ADD2: variants seen among roughly 807,000 people sequenced by gnomAD.
ADD2 encodes adducin 2.
Under a neutral mutation model 83.0 loss-of-function variants are expected in ADD2, and 23 were observed. The ratio of observed to expected loss-of-function variants is 0.28; its 90% CI spans 0.20 to 0.39. ADD2 has a LOEUF of 0.39. Ranked by LOEUF, ADD2 falls within the 10% of genes least tolerant of loss-of-function variation. The pLI is 1.00. For synonymous variants in ADD2, 375 were observed against 375.4 expected (o/e 1.00, Z 0.01); for missense variants, 758 against 944.9 (o/e 0.80, Z 2.59).
intron 9 of ADD2, among the ~76,000 whole-genome samples, chr2:70,684,564 T>G (rs1348769698): frequency 6.6e-6 from 1 of 152,212 alleles, no homozygotes; most frequent in Admixed American, 6.5e-5. Context: ...TATATTTTTT[T>G]AAAAGTCACT....
chr2:70,714,039 TA>T (rs1672339429), intron 1 of ADD2, among the ~76,000 whole-genome samples: 1 of 152,026 alleles, frequency 6.6e-6, no homozygotes, highest in Admixed American at 6.5e-5. Flanking sequence ...AATACCTGGA[TA>T]AAAGGTCCTA....
chr2:70,696,258 T>A lies in ADD2; in HGVS notation c.461A>T (p.Asp154Val). ...LDLYGWAQLS[D>V]TYVTLRVSKE... ...CGTTCTGCTCACCGTGACATAGGTG[T>A]CACTCAGCTGGGCCCAGCCATAGAG... is the stretch of plus-strand genomic sequence containing the variant. The change falls in exon 5 of 16, where the codon GAC becomes GTC. Residue 154 changes from aspartate to valine, a missense_variant. Physicochemically the swap from Asp to Val is radical, Grantham distance 152. Around this residue, in one of 5 missense-constraint regions of ADD2, gnomAD observed 10 missense variants for 31.1 expected, o/e 0.32. Coordinates refer to ENST00000264436, the MANE Select transcript of ADD2 (RefSeq NM_001617.4). 1 of 1,612,814 alleles carries A rather than the reference T, an allele frequency of 6.2e-7. No individual in the cohort carries two copies. Among genetic ancestry groups the A allele is most frequent in the Non-Finnish European group, 8.5e-7 (1 of 1,179,530 alleles).
intron 1 of ADD2, among the ~76,000 whole-genome samples, chr2:70,756,167 C>A (rs1260748918): frequency 6.6e-6 from 1 of 152,100 alleles, no homozygotes; most frequent in Admixed American, 6.6e-5. Flanking sequence ...TCCTGCCTAC[C>A]CCCTTTCCTC....
intron 15 of ADD2, among the ~76,000 whole-genome samples, chr2:70,668,941 C>T (rs1044980568): frequency 6.6e-6 from 1 of 152,162 alleles, no homozygotes; most frequent in African/African-American, 2.4e-5. Flanking sequence ...ATTCCAAATG[C>T]AAGGAGAACT....
At position 70,660,559 on chromosome 2, in the gene ADD2, C is replaced by T. The variant is rs1553364840; in HGVS notation, c.*2866G>A. 6.6e-6 allele frequency: 1 copy of T among 152,326 alleles called. No individual in the cohort carries two copies. The highest frequency in any genetic ancestry group is 1.5e-5 in the Non-Finnish European group (1 of 68,106). The allele number at this position is 152,326 out of a possible 1,614,324, so 9.4% of individuals were successfully genotyped here. A position where few individuals can be genotyped will look rare whatever the true frequency, so the allele number is the denominator to read the frequency against. ...CCTGATTTAAAGGCTCCAGTGGCTC[C>T]AAACCCCTTCCATGACAAGTCTAGC... On this transcript the variant is annotated 3_prime_UTR_variant, in exon 16 of 16. Coordinates refer to ENST00000264436, the MANE Select transcript of ADD2 (RefSeq NM_001617.4).
chr2:70,664,778 G>T (rs547575161), intron 15 of ADD2, among the ~76,000 whole-genome samples: 2 of 151,784 alleles, frequency 1.3e-5, no homozygotes, highest in African/African-American at 2.4e-5. Context: ...AGTGTGAGTG[G>T]GCAGGTTGTG....
intron 1 of ADD2, among the ~76,000 whole-genome samples, chr2:70,731,404 A>G (rs1673274695): frequency 6.6e-6 from 1 of 152,224 alleles, no homozygotes; most frequent in African/African-American, 2.4e-5. Context: ...GGCAAAGACC[A>G]TGTGCGATTA....
chr2:70,657,497 G>A lies in ADD2; in HGVS notation c.*5928C>T, dbSNP rs1574201582. On this transcript the variant is annotated 3_prime_UTR_variant, in exon 16 of 16. Transcript: ENST00000264436. ...AATTTAAAGGTGGGGCAGTCCTTGG[G>A]TATCAATCAATCACCCACAAAGCAG... is the stretch of plus-strand genomic sequence containing the variant. 6.6e-6 allele frequency: 1 copy of A among 152,258 alleles called. No homozygotes were observed. The highest frequency in any genetic ancestry group is 2.1e-4 in the South Asian group (1 of 4,816). 9.4% of individuals were successfully genotyped at this position (152,258 alleles called of 1,614,324 possible). A position where few individuals can be genotyped will look rare whatever the true frequency, so the allele number is the denominator to read the frequency against.
At chr2:70,673,286 C>A (rs1553367509) in intron 14 of ADD2, 1 of 1,614,144 alleles carries the variant, frequency 6.2e-7, no homozygotes, top group Admixed American at 1.7e-5. Flanking sequence ...AGAACTCGCA[C>A]ACGGCCGGAC....
chr2:70,667,454 C>T (rs916210895), intron 15 of ADD2, among the ~76,000 whole-genome samples: 1 of 152,148 alleles, frequency 6.6e-6, no homozygotes, highest in South Asian at 2.1e-4. Flanking sequence ...ACTGCCTCTC[C>T]AACTTGATTT....
chr2:70,767,447 C>G (rs868975769), intron 1 of ADD2: 11 of 204,266 alleles, frequency 5.4e-5, no homozygotes, highest in African/African-American at 1.9e-4. Context: ...CGCGCCCAGC[C>G]CCGCCAAGCC....
intron 1 of ADD2, among the ~76,000 whole-genome samples, chr2:70,751,132 T>C (rs75632137): frequency 0.02 from 2,974 of 152,324 alleles, 50 homozygotes; most frequent in Middle Eastern, 0.027. Flanking sequence ...CCTTATCTTT[T>C]CTCAGCTTCA....
chr2:70,716,432 C>A (rs1574281218), intron 1 of ADD2, among the ~76,000 whole-genome samples: 1 of 152,246 alleles, frequency 6.6e-6, no homozygotes, highest in Non-Finnish European at 1.5e-5. Context: ...CCCTGCATTT[C>A]ATGTGTCCTC....
intron 1 of ADD2, among the ~76,000 whole-genome samples, chr2:70,741,593 T>A (rs1365114428): frequency 6.6e-6 from 1 of 152,202 alleles, no homozygotes; most frequent in Non-Finnish European, 1.5e-5. Flanking sequence ...CCCATACGTA[T>A]TTTTCTAGTC....
chr2:70,686,515 C>T (rs1172366351), intron 9 of ADD2, among the ~76,000 whole-genome samples: 3 of 152,194 alleles, frequency 2.0e-5, no homozygotes, highest in African/African-American at 7.2e-5. Context: ...GGTGGTGCGA[C>T]ACATGGGCAT....
At chr2:70,746,884 A>G (rs1281421874) in intron 1 of ADD2, among the ~76,000 whole-genome samples, 1 of 151,872 alleles carries the variant, frequency 6.6e-6, no homozygotes, top group Admixed American at 6.5e-5. Context: ...AGATTTACTT[A>G]GGCATCATTG....
chr2:70,674,139 C>T (rs942029384), intron 14 of ADD2, among the ~76,000 whole-genome samples: 2 of 152,148 alleles, frequency 1.3e-5, no homozygotes, highest in South Asian at 4.2e-4. Context: ...GAGAGGAAGC[C>T]GGGACTGATC....
At chr2:70,665,827 T>TTTTTTTTTC (rs1172785596) in intron 15 of ADD2, among the ~76,000 whole-genome samples, 35 of 151,738 alleles carry the variant, frequency 2.3e-4, no homozygotes, top group African/African-American at 7.8e-4. Flanking sequence ...TGTTTTTTTT[T>TTTTTTTTTC]TTTTCCCGAA....
intron 13 of ADD2, 88 bp from the exon 14 acceptor site, chr2:70,674,913 C>T: frequency 1.3e-6 from 2 of 1,529,344 alleles, no homozygotes; most frequent in Non-Finnish European, 1.8e-6. Context: ...CATGTGGCTG[C>T]AAGCGGTCTT....
Sources: gnomAD v4.1 joint callset for allele counts (sites outside exome capture counted in the v4.1 genomes callset) on GRCh38, gnomAD v4.1.1 for gene constraint, gnomAD v4.1.1 regional missense constraint, MANE v1.5 for transcripts, NCBI Gene and HGNC (gene_info 2026-07-23, HGNC 2026-07-21) for gene names.